Variants in MTUS2 observed in about 807,000 individuals in gnomAD.
The protein encoded by MTUS2 is microtubule associated scaffold protein 2.
MTUS2 carries 40 observed loss-of-function variants against 114.1 expected under a neutral mutation model. That is an observed-to-expected ratio of 0.35 (90% CI 0.27 to 0.46). MTUS2 has a LOEUF of 0.46. Ranked by LOEUF, MTUS2 falls within the 20% of genes least tolerant of loss-of-function variation. The pLI is 1.00. For synonymous variants in MTUS2, 688 were observed against 672.0 expected, an observed-to-expected ratio of 1.02 and a Z score of -0.37; for missense variants, 1,679 against 1,705.4, an observed-to-expected ratio of 0.98 and a Z score of 0.27.
chr13:29,498,463 C>T lies in MTUS2; in HGVS notation c.3724C>T (p.Leu1242=). 6.2e-7 allele frequency: 1 copy of T among 1,614,116 alleles called. No homozygotes were observed. Among genetic ancestry groups the T allele is most frequent in the Non-Finnish European group, 8.5e-7 (1 of 1,180,040 alleles). The change falls in exon 14 of 16, where the codon CTG becomes TTG. Residue 1242 remains leucine, a synonymous_variant. Transcript: ENST00000612955. The part of the protein sequence containing the change: ...YQHLEEDMKS[L]KQVLEMKNQQ... ...GCACTTGGAAGAAGACATGAAGAGT[C>T]TGAAGCAGGTATTAGAAATGAAGAA...
chr13:29,389,887 GTGTA>G (rs1873224590), intron 8 of MTUS2, among the ~76,000 whole-genome samples: 1 of 91,556 alleles, frequency 1.1e-5, no homozygotes, highest in African/African-American at 4.2e-5. Context: ...ACATACATAT[GTGTA>G]TATATACATA....
At chr13:29,396,401 G>A (rs1229933668) in intron 8 of MTUS2, among the ~76,000 whole-genome samples, 3 of 152,176 alleles carry the variant, frequency 2.0e-5, no homozygotes, top group Non-Finnish European at 2.9e-5. Context: ...CTGGCATATA[G>A]TGGGCATTCA....
At chr13:29,409,637 CT>C (rs1362032418) in intron 8 of MTUS2, among the ~76,000 whole-genome samples, 1 of 152,136 alleles carries the variant, frequency 6.6e-6, no homozygotes. Context: ...TCTATCACCC[CT>C]ATCCAAAGGA....
intron 7 of MTUS2, among the ~76,000 whole-genome samples, chr13:29,344,039 C>A (rs918912906): frequency 6.6e-6 from 1 of 152,000 alleles, no homozygotes; most frequent in Non-Finnish European, 1.5e-5. Context: ...TTTCAATTTT[C>A]TGAAATTTAT....
chr13:29,118,718 T>A (rs963636624), intron 5 of MTUS2, among the ~76,000 whole-genome samples: 49 of 152,320 alleles, frequency 3.2e-4, no homozygotes, highest in African/African-American at 1.1e-3. Context: ...CATGGCCTTG[T>A]GCTCCTTCTC....
chr13:29,207,895 G>T (rs1182069287), intron 5 of MTUS2, among the ~76,000 whole-genome samples: 1 of 151,944 alleles, frequency 6.6e-6, no homozygotes, highest in African/African-American at 2.4e-5. Context: ...TTTTTTGTGT[G>T]TGATGTTCTT....
At chr13:28,874,486 GT>G (rs1877814044) in intron 2 of MTUS2, among the ~76,000 whole-genome samples, 1 of 152,164 alleles carries the variant, frequency 6.6e-6, no homozygotes, top group African/African-American at 2.4e-5. Flanking sequence ...CTCTCAGACA[GT>G]TGTAAACAGC....
intron 2 of MTUS2, among the ~76,000 whole-genome samples, chr13:28,845,402 T>C (rs1875803867): frequency 6.6e-6 from 1 of 152,218 alleles, no homozygotes; most frequent in Admixed American, 6.5e-5. Flanking sequence ...AGGAAATGTT[T>C]CTGGAATGAA....
rs571197092 is a variant in MTUS2, at chr13:29,266,476, C to T, written c.2645-15228C>T. ...AAAATTATTAGGTAAATGGCACCCT[C>T]TCTTGGGGGAAAGAGTAGTGGTGCT... On this transcript the variant is annotated intron_variant, in intron 5 of 15. Coordinates refer to ENST00000612955, the MANE Select transcript of MTUS2 (RefSeq NM_001033602.4). Among the ~76,000 whole-genome samples, 374 of 152,292 alleles carry T rather than the reference C, an allele frequency of 2.5e-3. 1 individual carries two copies. The highest frequency in any genetic ancestry group is 0.024 in the Middle Eastern group (7 of 294).
At chr13:29,187,881 C>T (rs1894288890) in intron 5 of MTUS2, among the ~76,000 whole-genome samples, 1 of 152,242 alleles carries the variant, frequency 6.6e-6, no homozygotes, top group African/African-American at 2.4e-5. Context: ...TAATGTGTCC[C>T]TTACCCAAAC....
intron 5 of MTUS2, among the ~76,000 whole-genome samples, chr13:29,109,853 T>C (rs1246652472): frequency 1.3e-5 from 2 of 152,228 alleles, no homozygotes; most frequent in African/African-American, 4.8e-5. Context: ...TGCTGACATC[T>C]GAGTCAGGCA....
intron 8 of MTUS2, among the ~76,000 whole-genome samples, chr13:29,360,236 C>G (rs1870108680): frequency 6.6e-6 from 1 of 152,160 alleles, no homozygotes; most frequent in Non-Finnish European, 1.5e-5. Flanking sequence ...TATGGACCTC[C>G]TGGTATCTAT....
intron 1 of MTUS2, among the ~76,000 whole-genome samples, chr13:28,822,987 A>G (rs1484395220): frequency 6.6e-6 from 1 of 152,248 alleles, no homozygotes; most frequent in East Asian, 1.9e-4. Context: ...GTGATCGCAC[A>G]CACATGGGAT....
At chr13:29,280,279 A>G (rs1898218899) in intron 5 of MTUS2, among the ~76,000 whole-genome samples, 1 of 152,180 alleles carries the variant, frequency 6.6e-6, no homozygotes, top group Non-Finnish European at 1.5e-5. Flanking sequence ...GTTTCAATGC[A>G]TTTATTTTCT....
chr13:29,337,619 G>A (rs957213877), intron 7 of MTUS2, among the ~76,000 whole-genome samples: 7 of 96,348 alleles, frequency 7.3e-5, no homozygotes, highest in African/African-American at 2.3e-4. Context: ...TTTTTTTTTT[G>A]AGATGGGGGT....
chr13:29,461,128 G>A (rs1389223492), intron 9 of MTUS2, among the ~76,000 whole-genome samples: 1 of 152,096 alleles, frequency 6.6e-6, no homozygotes, highest in Non-Finnish European at 1.5e-5. Context: ...CCAACTTGCT[G>A]TATCATACCA....
At chr13:29,126,406 C>G (rs1396609124) in intron 5 of MTUS2, among the ~76,000 whole-genome samples, 3 of 152,198 alleles carry the variant, frequency 2.0e-5, no homozygotes, top group Non-Finnish European at 4.4e-5. Context: ...ACCTCCACCA[C>G]ACTACAGAAT....
At chr13:29,491,463 TTGTA>T (rs1882074870) in intron 11 of MTUS2, among the ~76,000 whole-genome samples, 1 of 131,158 alleles carries the variant, frequency 7.6e-6, no homozygotes, top group East Asian at 2.5e-4. Flanking sequence ...TGGTGTAGGT[TTGTA>T]TGGTATGTAT....
intron 6 of MTUS2, chr13:29,307,512 G>T: frequency 8.0e-7 from 1 of 1,253,052 alleles, no homozygotes; most frequent in South Asian, 1.2e-5. Context: ...TTGTGGATCT[G>T]ACCTGCTGTC....
Sources: allele counts gnomAD v4.1 joint callset (sites outside exome capture counted in the v4.1 genomes callset), GRCh38; gene constraint gnomAD v4.1.1; transcripts MANE v1.5; gene names NCBI Gene and HGNC (gene_info 2026-07-23, HGNC 2026-07-21).